SAMD4B: variants seen among roughly 807,000 people sequenced by gnomAD.
SAMD4B encodes the protein protein Smaug homolog 2.
Under a neutral mutation model 74.5 loss-of-function variants are expected in SAMD4B, and 5 were observed. That is an observed-to-expected ratio of 0.07 (90% CI 0.04 to 0.14). The LOEUF is 0.14. Ranked by LOEUF, SAMD4B falls within the 10% of genes least tolerant of loss-of-function variation. The probability of loss-of-function intolerance (pLI) is 1.00; values close to 1 mark genes in which losing one functional copy is unlikely to be tolerated. For missense variants in SAMD4B, 608 were observed against 921.8 expected, an observed-to-expected ratio of 0.66 and a Z score of 4.41; for synonymous variants, 373 against 374.9, an observed-to-expected ratio of 1.00 and a Z score of 0.06.
In SAMD4B at chr19:39,379,924, A is replaced by T. The variant is rs754219798; in HGVS notation, c.1531-42A>T. ...AAGACTGGAAGGGAGGTCTGAAGGA[A>T]GCATCACCCTCTCTGCTTCACCGGT... is the stretch of plus-strand genomic sequence containing the variant. On this transcript the variant is annotated intron_variant, in intron 9 of 13. Coordinates refer to ENST00000610417, the MANE Select transcript of SAMD4B (RefSeq NM_001384574.2). 9 of 1,496,706 alleles carry T rather than the reference A, an allele frequency of 6.0e-6. No individual in the cohort carries two copies. In the East Asian group the frequency reaches 2.0e-4, roughly 34 times the overall value. 92.7% of individuals were successfully genotyped at this position (1,496,706 alleles called of 1,614,324 possible). A position where few individuals can be genotyped will look rare whatever the true frequency, so the allele number is the denominator to read the frequency against.
rs2077710505 is a variant in SAMD4B, at chr19:39,378,043, C to T, written c.1444+219C>T. The stretch of plus-strand genomic sequence containing the variant: ...ATAACAGCCCTTCCCCTCAAAGCGT[C>T]TCCAGGCTGAGCAGAAATGGGGCAG... On this transcript the variant is annotated intron_variant, in intron 8 of 13. Coordinates refer to ENST00000610417, the MANE Select transcript of SAMD4B (RefSeq NM_001384574.2). The surrounding 1 kb of genome is among the most constrained non-coding windows in gnomAD (Gnocchi z 4.4). Among the ~76,000 whole-genome samples, 1 of 152,230 alleles carries T rather than the reference C, an allele frequency of 6.6e-6. No individual in the cohort carries two copies. Among genetic ancestry groups the T allele is most frequent in the African/African-American group, 2.4e-5 (1 of 41,456 alleles).
chr19:39,358,264 T>A (rs2076445588), intron 3 of SAMD4B, among the ~76,000 whole-genome samples: 1 of 152,134 alleles, frequency 6.6e-6, no homozygotes. Context: ...AGAGCGAAAC[T>A]CTATCTCAAA....
chr19:39,389,141 A>G (rs2078317548), downstream of SAMD4B: 2 of 1,614,110 alleles, frequency 1.2e-6, no homozygotes, highest in Non-Finnish European at 1.7e-6. This position sits in a 1 kb window ranked among gnomAD's most constrained non-coding sequence, Gnocchi z 5.3. Context: ...TGATCTGGCT[A>G]TCCCTGTCTT....
At position 39,370,042 on chromosome 19, in the gene SAMD4B, C is replaced by A; in HGVS notation, c.584C>A (p.Pro195His). Residue 195 changes from proline (P) to histidine (H), a missense_variant, in exon 4 of 14, where the codon CCC (proline) becomes CAC (histidine). By Grantham distance (77) the Pro-to-His change is moderately conservative. This residue lies in a region of SAMD4B where 153 missense variants were observed against 153.0 expected (regional missense o/e 1.00). Coordinates refer to ENST00000610417, the MANE Select transcript of SAMD4B (RefSeq NM_001384574.2). ...GGGCCAGGCTGGCAGGACAAGCCACCCCGGGAAAATGGACACGTGCCCTTC... is the reference window on the plus strand; with the variant it reads ...GGGCCAGGCTGGCAGGACAAGCCACACCGGGAAAATGGACACGTGCCCTTC... ...EAGPGWQDKP[P>H]RENGHVPFHP... 6.2e-7 allele frequency: 1 copy of A among 1,612,274 alleles called. No homozygotes were observed. Among genetic ancestry groups the A allele is most frequent in the Non-Finnish European group, 8.5e-7 (1 of 1,179,208 alleles).
chr19:39,386,659 T>C, downstream of SAMD4B: 1 of 1,592,174 alleles, frequency 6.3e-7, no homozygotes. The surrounding 1 kb of genome is among the most constrained non-coding windows in gnomAD (Gnocchi z 6.1). Context: ...CCACCCTCCC[T>C]GCCATGGGTG....
At chr19:39,361,756 T>G (rs1021690364) in intron 3 of SAMD4B, among the ~76,000 whole-genome samples, 4 of 150,950 alleles carry the variant, frequency 2.6e-5, no homozygotes, top group African/African-American at 9.8e-5. Flanking sequence ...ACCCCATCTC[T>G]ACTAAAAATA....
chr19:39,356,796 C>T lies in SAMD4B; in HGVS notation c.-98C>T. ...CCCAGAAACGTCCTTAAGCCCTGGCCCTCAGGGGAAAGGTAACAGGAGGCC... is the reference window on the plus strand; with the variant it reads ...CCCAGAAACGTCCTTAAGCCCTGGCTCTCAGGGGAAAGGTAACAGGAGGCC... On this transcript the variant is annotated 5_prime_UTR_variant, in exon 3 of 14. Transcript: ENST00000610417. 9.6e-7 allele frequency: 1 copy of T among 1,046,718 alleles called. No homozygotes were observed. The highest frequency in any genetic ancestry group is 1.4e-6 in the Non-Finnish European group (1 of 733,902). 64.8% of individuals were successfully genotyped at this position (1,046,718 alleles called of 1,614,324 possible). A position where few individuals can be genotyped will look rare whatever the true frequency, so the allele number is the denominator to read the frequency against.
intron 3 of SAMD4B, among the ~76,000 whole-genome samples, chr19:39,362,924 C>A (rs1365823473): frequency 6.6e-6 from 1 of 152,036 alleles, no homozygotes; most frequent in Non-Finnish European, 1.5e-5. Flanking sequence ...CTGTCCTCCA[C>A]CCTCCACTTT....
chr19:39,347,716 G>A (rs566480305), intron 1 of SAMD4B, among the ~76,000 whole-genome samples: 2 of 152,288 alleles, frequency 1.3e-5, no homozygotes, highest in Admixed American at 1.3e-4. Flanking sequence ...GCTGTGAGTG[G>A]AGTTTTGTTT....
downstream of SAMD4B, among the ~76,000 whole-genome samples, chr19:39,387,681 G>A (rs1413213142): frequency 6.6e-6 from 1 of 152,218 alleles, no homozygotes; most frequent in South Asian, 2.1e-4. Context: ...GAGTTTTGGA[G>A]TCACATTTTT....
intron 3 of SAMD4B, chr19:39,360,125 G>C (rs2076562381): frequency 6.6e-6 from 1 of 151,708 alleles, no homozygotes; most frequent in African/African-American, 2.4e-5. Flanking sequence ...GGCGGAGCTT[G>C]CAGTGAGCCA....
the SAMD4B span, chr19:39,390,742 G>A: frequency 2.1e-6 from 3 of 1,453,526 alleles, no homozygotes; most frequent in East Asian, 2.5e-5. Context: ...GGCAGACCTG[G>A]GGGCTGGTGA....
In SAMD4B at chr19:39,342,557, T is replaced by TGGCGGC. The variant is rs2075363477; in HGVS notation, c.-284_-279dup. 6.4e-6 allele frequency: 1 copy of TGGCGGC among 155,556 alleles called. No individual in the cohort carries two copies. The highest frequency in any genetic ancestry group is 2.6e-5 in the African/African-American group (1 of 38,878). 9.6% of individuals were successfully genotyped at this position (155,556 alleles called of 1,614,324 possible). On this transcript the variant is annotated 5_prime_UTR_variant, in exon 1 of 14. Coordinates refer to ENST00000610417, the MANE Select transcript of SAMD4B (RefSeq NM_001384574.2). Reference sequence around the variant, plus strand: ...CCTGAGGAGGCCCGAGCGGCGGCGGTGGCGGCGAAGGCCGAGGCGGTGAGT... The same window carrying TGGCGGC: ...CCTGAGGAGGCCCGAGCGGCGGCGGTGGCGGCGGCGGCGAAGGCCGAGGCGGTGAGT...
Position 39,380,071 on chromosome 19 carries a change from C to G in SAMD4B, c.1636C>G (p.Arg546Gly). 6.2e-7 allele frequency: 1 copy of G among 1,613,320 alleles called. No individual in the cohort carries two copies. The highest frequency in any genetic ancestry group is 8.5e-7 in the Non-Finnish European group (1 of 1,179,656). ...RKAALEMQNY[R>G]QQKGWAFGSN... ...AGCCGCACTAGAGATGCAGAACTAC[C>G]GGCAGCAGAAAGGGTAGGCGGGTGG... The change falls in exon 10 of 14, where the codon CGG (arginine) becomes GGG (glycine). Residue 546 changes from arginine (R) to glycine (G), a missense_variant. By Grantham distance (125) the Arg-to-Gly change is moderately radical (BLOSUM62 -2). Transcript: ENST00000610417.
rs768979433 is a variant in SAMD4B at position 39,380,693 on chromosome 19, G to T, written c.1756G>T (p.Gly586Cys). 6.2e-7 allele frequency: 1 copy of T among 1,612,632 alleles called. No individual in the cohort carries two copies. The highest frequency in any genetic ancestry group is 8.5e-7 in the Non-Finnish European group (1 of 1,179,630). Reference sequence around the variant, plus strand: ...AATGCCTCCCCGGGCCCTCCCACCCGGCCGGATGGGCCTCCTGAGCCCCTC... The same window carrying T: ...AATGCCTCCCCGGGCCCTCCCACCCTGCCGGATGGGCCTCCTGAGCCCCTC... Reference protein sequence around the residue: ...FPMPPRALPPGRMGLLSPSGI... With the variant: ...FPMPPRALPPCRMGLLSPSGI... Residue 586 changes from glycine to cysteine, a missense_variant, in exon 11 of 14, where the codon GGC (glycine) becomes TGC (cysteine). Physicochemically the swap from Gly to Cys is radical, Grantham distance 159. Transcript: ENST00000610417.
At chr19:39,374,702 A>G (rs1052514230) in intron 4 of SAMD4B, among the ~76,000 whole-genome samples, 2 of 151,958 alleles carry the variant, frequency 1.3e-5, no homozygotes, top group East Asian at 3.9e-4. Flanking sequence ...TTAGCTGAGC[A>G]TGGTGGCAGG....
chr19:39,386,501 C>T, downstream of SAMD4B: 1 of 1,614,168 alleles, frequency 6.2e-7, no homozygotes, highest in African/African-American at 1.3e-5. This position sits in a 1 kb window ranked among gnomAD's most constrained non-coding sequence, Gnocchi z 6.1. Context: ...CAGCTTCTTT[C>T]TCTTCTGTCT....
rs906923920 is a variant in SAMD4B at position 39,380,626 on chromosome 19, T to C, written c.1689T>C (p.Ser563=). 10 of 1,614,190 alleles carry C rather than the reference T, an allele frequency of 6.2e-6. No homozygotes were observed. The highest frequency in any genetic ancestry group is 8.5e-6 in the Non-Finnish European group (10 of 1,180,028). Residue 563 remains serine (S), a synonymous_variant, in exon 11 of 14, where the codon TCT becomes TCC. Coordinates refer to ENST00000610417, the MANE Select transcript of SAMD4B (RefSeq NM_001384574.2). The stretch of plus-strand genomic sequence containing the variant: ...CCAACTCGCTCCCCATAGCTGGCTC[T>C]GTGGGGATGGGAGTGGCCCGGCGTA... The part of the protein sequence containing the change: ...FGSNSLPIAG[S]VGMGVARRTQ...
chr19:39,366,381 G>C (rs2076964919), intron 3 of SAMD4B, among the ~76,000 whole-genome samples: 1 of 152,114 alleles, frequency 6.6e-6, no homozygotes, highest in African/African-American at 2.4e-5. Context: ...CGAGGCAGGA[G>C]AATCACTTTA....
Sources: gnomAD v4.1 joint callset for allele counts (sites outside exome capture counted in the v4.1 genomes callset) on GRCh38, gnomAD v4.1.1 for gene constraint, gnomAD v4.1.1 regional missense constraint, Gnocchi (gnomAD v3.1) non-coding constraint, MANE v1.5 for transcripts, NCBI Gene and HGNC (gene_info 2026-07-23, HGNC 2026-07-21) for gene names.